Variants in MUC15 observed in about 807,000 individuals in gnomAD.
The protein encoded by MUC15 is mucin-15.
In MUC15, 23 loss-of-function variants were observed where a neutral mutation model predicts 24.0. The ratio of observed to expected loss-of-function variants is 0.96; its 90% CI spans 0.69 to 1.36. MUC15 has a LOEUF of 1.36. Ranked by LOEUF, MUC15 falls within the 40% of genes most tolerant of loss-of-function variation. The pLI is 0.00. For missense variants in MUC15, 442 were observed against 428.2 expected (o/e 1.03, Z -0.29); for synonymous variants, 151 against 156.3 (o/e 0.97, Z 0.25).
chr11:26,566,822 T>A (rs561100212), intron 2 of MUC15, among the ~76,000 whole-genome samples: 4 of 151,862 alleles, frequency 2.6e-5, no homozygotes, highest in East Asian at 1.9e-4. Flanking sequence ...AAATAACTCA[T>A]GAAAAATAAT....
chr11:26,567,746 T>C (rs1850649798), intron 1 of MUC15, among the ~76,000 whole-genome samples: 1 of 151,968 alleles, frequency 6.6e-6, no homozygotes, highest in Admixed American at 6.6e-5. Flanking sequence ...CATAGCGGCA[T>C]TATTTATAAG....
intron 1 of MUC15, among the ~76,000 whole-genome samples, chr11:26,569,565 G>C (rs917011158): frequency 3.3e-5 from 5 of 152,012 alleles, no homozygotes; most frequent in African/African-American, 1.2e-4. Context: ...GCTGGAGTAA[G>C]GTCCAGGAGA....
At chr11:26,567,759 C>T (rs1850650574) in intron 1 of MUC15, among the ~76,000 whole-genome samples, 1 of 151,876 alleles carries the variant, frequency 6.6e-6, no homozygotes, top group South Asian at 2.1e-4. Context: ...TTTATAAGAG[C>T]CTCAAACCTA....
At position 26,559,748 on chromosome 11, in the gene MUC15, A is replaced by G. The variant is rs1411225359; in HGVS notation, c.*1317T>C. 1.4e-5 allele frequency: 22 copies of G among 1,612,278 alleles called. No individual in the cohort carries two copies. Among genetic ancestry groups the G allele is most frequent in the South Asian group, 2.2e-5 (2 of 91,044 alleles). ...CATATTTGTTCGATAATGGAGGGAC[A>G]GTCTTCTTTGCTATTTTTATGGCAA... is the stretch of plus-strand genomic sequence containing the variant. On this transcript the variant is annotated 3_prime_UTR_variant, in exon 5 of 5. Coordinates refer to ENST00000529533, the MANE Select transcript of MUC15 (RefSeq NM_001135091.2).
At chr11:26,567,532 C>A (rs1850638099) in intron 1 of MUC15, among the ~76,000 whole-genome samples, 2 of 151,944 alleles carry the variant, frequency 1.3e-5, no homozygotes, top group Non-Finnish European at 2.9e-5. Context: ...ATAATAATTT[C>A]TCACATGTGG....
Position 26,559,872 on chromosome 11 carries a change from A to ACC in MUC15, c.*1192_*1193insGG, listed in dbSNP as rs1489942127. The stretch of plus-strand genomic sequence containing the variant: ...CACACACACACACACACACACACAC[A>ACC]CACCATGAATCAATTCAAAAATAAA... On this transcript the variant is annotated 3_prime_UTR_variant, in exon 5 of 5. Transcript: ENST00000529533. 1,085 of 803,444 alleles carry ACC rather than the reference A, an allele frequency of 1.4e-3. 3 individuals are homozygous for ACC. Among genetic ancestry groups the ACC allele is most frequent in the Non-Finnish European group, 2.0e-3 (955 of 488,442 alleles). 49.8% of individuals were successfully genotyped at this position (803,444 alleles called of 1,614,324 possible). A position where few individuals can be genotyped will look rare whatever the true frequency, so the allele number is the denominator to read the frequency against.
intron 3 of MUC15, among the ~76,000 whole-genome samples, chr11:26,564,144 A>G (rs1463570786): frequency 6.6e-6 from 1 of 151,800 alleles, no homozygotes; most frequent in African/African-American, 2.4e-5. Flanking sequence ...TAGCAATGGT[A>G]AGAGTAAGTA....
At chr11:26,567,639 T>G (rs1355477180) in intron 1 of MUC15, among the ~76,000 whole-genome samples, 2 of 151,954 alleles carry the variant, frequency 1.3e-5, no homozygotes, top group Non-Finnish European at 2.9e-5. Flanking sequence ...ATCATATACT[T>G]CTAGAATTTT....
intron 4 of MUC15, among the ~76,000 whole-genome samples, chr11:26,562,646 T>C (rs1850337997): frequency 6.6e-6 from 1 of 151,856 alleles, no homozygotes; most frequent in South Asian, 2.1e-4. Context: ...TTAGATGCTT[T>C]GTTTTAGAGC....
chr11:26,564,718 CACACACACACACACATATATATATATAT>C (rs1850459370), intron 3 of MUC15, among the ~76,000 whole-genome samples: 1 of 74,924 alleles, frequency 1.3e-5, no homozygotes, highest in Non-Finnish European at 2.6e-5. Flanking sequence ...CACACACACA[CACACACACACACACATATATATATATAT>C]ATATATATAT....
Position 26,564,692 on chromosome 11 carries a change from TACACACACAC to T in MUC15, c.775+463_775+472del, listed in dbSNP as rs370277580. On this transcript the variant is annotated intron_variant, in intron 3 of 4. Transcript: ENST00000529533. Reference sequence around the variant, plus strand: ...ACTCATATATATATACTCATATATATACACACACACACACACACACACACACACACACACA... The same window carrying T: ...ACTCATATATATATACTCATATATATACACACACACACACACACACACACA... Among the ~76,000 whole-genome samples the T allele has an allele frequency of 7.5e-3, 309 of 41,056 alleles. 4 individuals carry two copies. Among genetic ancestry groups the T allele is most frequent in the Middle Eastern group, 0.014 (1 of 72 alleles). The allele number at this position is 41,056 out of a possible 152,430, so 26.9% of individuals were successfully genotyped here.
At chr11:26,571,312 A>G (rs758540303) in intron 1 of MUC15, among the ~76,000 whole-genome samples, 1 of 152,138 alleles carries the variant, frequency 6.6e-6, no homozygotes, top group Non-Finnish European at 1.5e-5. Context: ...ATAAATGGAA[A>G]TCAGCATCCT....
chr11:26,571,531 A>G (rs1276310092), intron 1 of MUC15, among the ~76,000 whole-genome samples: 1 of 152,118 alleles, frequency 6.6e-6, no homozygotes, highest in Non-Finnish European at 1.5e-5. Flanking sequence ...AATCTTTGAA[A>G]AAGATTTATA....
chr11:26,561,469 A>G (rs1047617803), intron 4 of MUC15, among the ~76,000 whole-genome samples: 30 of 152,040 alleles, frequency 2.0e-4, no homozygotes, highest in Non-Finnish European at 5.9e-5. Flanking sequence ...TAAAGGAACT[A>G]AAGAAGAGAC....
chr11:26,564,716 CACACACACACACACACATATATAT>C (rs1565108578), intron 3 of MUC15, among the ~76,000 whole-genome samples: 8 of 74,338 alleles, frequency 1.1e-4, no homozygotes, highest in Non-Finnish European at 1.0e-4. Context: ...CACACACACA[CACACACACACACACACATATATAT>C]ATATATATAT....
At chr11:26,566,366 A>G (rs2134271798) in intron 2 of MUC15, among the ~76,000 whole-genome samples, 1 of 152,152 alleles carries the variant, frequency 6.6e-6, no homozygotes, top group Non-Finnish European at 1.5e-5. Flanking sequence ...TATTATGAAA[A>G]TGACATTACT....
chr11:26,570,030 A>G (rs988368620), intron 1 of MUC15, among the ~76,000 whole-genome samples: 2 of 152,282 alleles, frequency 1.3e-5, no homozygotes, highest in Admixed American at 1.3e-4. Context: ...AAAACCTTCT[A>G]AAGGTAGAAT....
intron 3 of MUC15, among the ~76,000 whole-genome samples, chr11:26,563,510 AAAT>A (rs1850387899): frequency 6.6e-6 from 1 of 151,548 alleles, no homozygotes; most frequent in African/African-American, 2.4e-5. Context: ...AATTACATTG[AAAT>A]ACTTCTAAGT....
In MUC15 at chr11:26,563,146, G is replaced by C; in HGVS notation, c.895C>G (p.Arg299Gly). 6.2e-7 allele frequency: 1 copy of C among 1,612,034 alleles called. No individual in the cohort carries two copies. Among genetic ancestry groups the C allele is most frequent in the South Asian group, 1.1e-5 (1 of 90,974 alleles). ...GKRKTDSFSH[R>G]RLYDDRNEPV... ...TCATTTCTGTCGTCATAAAGTCGCC[G>C]ATGGGAAAATGAATCCGTTTTCCTT... The change falls in exon 4 of 5, where the codon CGG becomes GGG. Residue 299 changes from arginine to glycine, a missense_variant. Transcript: ENST00000529533.
Sources: allele counts gnomAD v4.1 joint callset (sites outside exome capture counted in the v4.1 genomes callset), GRCh38; gene constraint gnomAD v4.1.1; transcripts MANE v1.5; gene names NCBI Gene and HGNC (gene_info 2026-07-23, HGNC 2026-07-21).